Variants in RBM6 observed in about 807,000 individuals in gnomAD.
RBM6 encodes RNA binding motif protein 6, also known as RNA-binding protein 6.
A neutral mutation model predicts 140.4 loss-of-function variants in RBM6; 23 were observed. The observed-to-expected ratio is 0.16, with a 90% CI of 0.12 to 0.23. The LOEUF is 0.23. Ranked by LOEUF, RBM6 falls within the 10% of genes least tolerant of loss-of-function variation. The pLI, the probability that RBM6 is intolerant of heterozygous loss-of-function variation, is 1.00. For synonymous variants in RBM6, 439 were observed against 475.6 expected (o/e 0.92, Z 1.00); for missense variants, 1,139 against 1,386.7 (o/e 0.82, Z 2.84).
intron 6 of RBM6, among the ~76,000 whole-genome samples, chr3:50,032,870 A>C (rs1377895211): frequency 6.6e-6 from 1 of 151,772 alleles, no homozygotes; most frequent in Non-Finnish European, 1.5e-5. Flanking sequence ...CTGTAATTCC[A>C]GCTATTCGGG....
intron 1 of RBM6, among the ~76,000 whole-genome samples, chr3:49,956,702 G>A (rs995080240): frequency 4.0e-5 from 6 of 151,142 alleles, no homozygotes; most frequent in South Asian, 4.2e-4. Context: ...TTTCGTTCTT[G>A]TTGCCCAGGC....
intron 5 of RBM6, among the ~76,000 whole-genome samples, chr3:49,988,719 C>G (rs2085680010): frequency 6.6e-6 from 1 of 152,074 alleles, no homozygotes; most frequent in African/African-American, 2.4e-5. Context: ...CTGTAAATCC[C>G]TATATGCTGG....
chr3:49,961,963 C>T (rs2084300799), intron 1 of RBM6, among the ~76,000 whole-genome samples: 2 of 150,556 alleles, frequency 1.3e-5, no homozygotes, highest in Admixed American at 6.6e-5. Flanking sequence ...TGAGACCAGC[C>T]TGGGTAACAC....
At chr3:49,993,801 C>T (rs1377463356) in intron 5 of RBM6, among the ~76,000 whole-genome samples, 2 of 151,366 alleles carry the variant, frequency 1.3e-5, no homozygotes, top group African/African-American at 2.4e-5. Flanking sequence ...TTGCTCATGC[C>T]TAATAATCTG....
intron 6 of RBM6, among the ~76,000 whole-genome samples, chr3:50,030,286 T>TA (rs57797585): frequency 0.044 from 4,573 of 103,740 alleles, 297 homozygotes; most frequent in African/African-American, 0.13. Context: ...CTTTTTGTCT[T>TA]AAAAAAAAAA....
chr3:50,006,415 T>C (rs1010822395), intron 6 of RBM6, among the ~76,000 whole-genome samples: 1 of 151,752 alleles, frequency 6.6e-6, no homozygotes, highest in African/African-American at 2.4e-5. Context: ...GGATTACACA[T>C]GTGAGCCACT....
intron 6 of RBM6, among the ~76,000 whole-genome samples, chr3:50,039,301 A>G (rs2526749): frequency 0.61 from 92,515 of 151,916 alleles, 28,676 homozygotes; most frequent in East Asian, 0.88. Context: ...GTGCAATCAC[A>G]CAATCTCGGC....
intron 19 of RBM6, among the ~76,000 whole-genome samples, chr3:50,074,547 C>T (rs2090402017): frequency 6.6e-6 from 1 of 152,136 alleles, no homozygotes; most frequent in African/African-American, 2.4e-5. Context: ...TCACGAACTC[C>T]CAACCTCAGG....
intron 11 of RBM6, 126 bp from the exon 12 acceptor site, chr3:50,060,830 G>C: frequency 2.4e-6 from 2 of 844,270 alleles, no homozygotes; most frequent in African/African-American, 3.5e-5. Flanking sequence ...CCTGCTTGCT[G>C]TCTAGGTTGG....
chr3:49,975,842 A>G (rs908798189), intron 5 of RBM6, among the ~76,000 whole-genome samples: 5 of 152,194 alleles, frequency 3.3e-5, no homozygotes, highest in Admixed American at 2.6e-4. Context: ...TGCTTTGAGA[A>G]TGGAGTCCTG....
At chr3:49,984,283 A>G (rs1185874009) in intron 5 of RBM6, among the ~76,000 whole-genome samples, 3 of 152,208 alleles carry the variant, frequency 2.0e-5, no homozygotes, top group African/African-American at 7.2e-5. Flanking sequence ...AGCATGGGCA[A>G]CAGAGAGAGA....
chr3:50,021,862 C>A (rs2087508149), intron 6 of RBM6, among the ~76,000 whole-genome samples: 1 of 136,200 alleles, frequency 7.3e-6, no homozygotes, highest in East Asian at 2.5e-4. Flanking sequence ...TCAGGAAATT[C>A]TCCTGCCTAG....
intron 19 of RBM6, among the ~76,000 whole-genome samples, chr3:50,072,409 CAA>C (rs567722203): frequency 1.7e-5 from 2 of 120,784 alleles, no homozygotes; most frequent in African/African-American, 3.0e-5. Context: ...GACTCCAAAT[CAA>C]AAAAAAAAAA....
chr3:49,994,403 C>A (rs1321434346), intron 5 of RBM6, among the ~76,000 whole-genome samples: 4 of 152,194 alleles, frequency 2.6e-5, no homozygotes, highest in Non-Finnish European at 4.4e-5. Flanking sequence ...TGTTGGAAAT[C>A]TTGCGCACAA....
At chr3:50,008,885 T>C (rs1440231727) in intron 6 of RBM6, among the ~76,000 whole-genome samples, 5 of 152,178 alleles carry the variant, frequency 3.3e-5, no homozygotes, top group African/African-American at 1.2e-4. Flanking sequence ...AGTTTTCTCA[T>C]CTGTAAAATG....
At position 49,990,774 on chromosome 3, in the gene RBM6, G is replaced by A. The variant is rs559448089; in HGVS notation, c.1484-8666G>A. ...GTATTTGCTTGACCTGGCATTAAGT[G>A]GGGGGAAAAACAAGCCCCAGGTGAA... On this transcript the variant is annotated intron_variant, in intron 5 of 20. Coordinates refer to ENST00000266022, the MANE Select transcript of RBM6 (RefSeq NM_005777.3). Among the ~76,000 whole-genome samples, 46 of 152,178 alleles carry A rather than the reference G, an allele frequency of 3.0e-4. 1 individual carries two copies. Among genetic ancestry groups the A allele is most frequent in the African/African-American group, 1.1e-3 (44 of 41,526 alleles).
Position 50,070,562 on chromosome 3 carries a change from G to A in RBM6, c.3116+10G>A, listed in dbSNP as rs750412506. On this transcript the variant is annotated intron_variant, in intron 19 of 20. Transcript: ENST00000266022. Reference sequence around the variant, plus strand: ...CCAGGGAAACTGACAGGTAAGCCAGGAACTCTTCATTCAGCCTAGGCCTCA... The same window carrying A: ...CCAGGGAAACTGACAGGTAAGCCAGAAACTCTTCATTCAGCCTAGGCCTCA... The A allele has an allele frequency of 1.2e-6, 2 of 1,600,452 alleles. No homozygotes were observed. Among genetic ancestry groups the A allele is most frequent in the South Asian group, 2.2e-5 (2 of 90,754 alleles).
intron 5 of RBM6, among the ~76,000 whole-genome samples, chr3:49,982,170 G>A (rs2085332570): frequency 6.6e-6 from 1 of 151,862 alleles, no homozygotes; most frequent in African/African-American, 2.4e-5. Context: ...GCAATGACTA[G>A]GTCAGTCACT....
intron 6 of RBM6, among the ~76,000 whole-genome samples, 171 bp downstream of exon 6, chr3:49,999,684 T>C (rs1480680695): frequency 2.0e-5 from 3 of 152,138 alleles, no homozygotes; most frequent in Non-Finnish European, 4.4e-5. Flanking sequence ...TGGAAAGCTT[T>C]CTCTACAAAA....
Sources: gnomAD v4.1 joint callset for allele counts (sites outside exome capture counted in the v4.1 genomes callset) on GRCh38, gnomAD v4.1.1 for gene constraint, MANE v1.5 for transcripts, NCBI Gene and HGNC (gene_info 2026-07-23, HGNC 2026-07-21) for gene names.